The following C17orf99 variants were observed in gnomAD, a reference collection of about 807,000 sequenced individuals.
C17orf99 encodes the protein protein IL-40.
C17orf99 carries 18 observed loss-of-function variants against 22.6 expected under a neutral mutation model. The ratio of observed to expected loss-of-function variants is 0.80; its 90% CI spans 0.55 to 1.18. C17orf99 has a LOEUF of 1.18. Ranked by LOEUF, C17orf99 falls within the 50% of genes most tolerant of loss-of-function variation. The probability of loss-of-function intolerance (pLI) is 0.00; values close to 1 mark genes in which losing one functional copy is unlikely to be tolerated. For missense variants in C17orf99, 328 were observed against 342.7 expected, an observed-to-expected ratio of 0.96 and a Z score of 0.34; for synonymous variants, 147 against 136.6, an observed-to-expected ratio of 1.08 and a Z score of -0.53.
In C17orf99 at chr17:78,147,877, C is replaced by T. The variant is rs557071692; in HGVS notation, c.70+966C>T. ...CCTGTGCAGGGCAGTTCCGCCTCCCCCTCTTGGCTGGCTCCCGACTTCTCT... is the reference window on the plus strand; with the variant it reads ...CCTGTGCAGGGCAGTTCCGCCTCCCTCTCTTGGCTGGCTCCCGACTTCTCT... On this transcript the variant is annotated intron_variant, in intron 2 of 4. Transcript: ENST00000340363. Among the ~76,000 whole-genome samples the T allele has an allele frequency of 1.8e-3, 274 of 152,322 alleles. 1 individual carries two copies. Among genetic ancestry groups the T allele is most frequent in the Non-Finnish European group, 2.4e-3 (166 of 68,030 alleles).
At chr17:78,151,689 G>T (rs1277687343) in intron 2 of C17orf99, among the ~76,000 whole-genome samples, 1 of 152,064 alleles carries the variant, frequency 6.6e-6, no homozygotes, top group Non-Finnish European at 1.5e-5. Context: ...AATCCAGCAT[G>T]AATTACTGGA....
At chr17:78,146,268 G>A (rs2075436637), upstream of C17orf99, 1 of 677,830 alleles carries the variant, frequency 1.5e-6, no homozygotes, top group Admixed American at 2.9e-5. This position sits in a 1 kb window ranked among gnomAD's most constrained non-coding sequence, Gnocchi z 5.2. Flanking sequence ...GGTAGCTGAG[G>A]CCCTGGGGTG....
intron 2 of C17orf99, among the ~76,000 whole-genome samples, chr17:78,150,437 C>A (rs2075472660): frequency 3.3e-5 from 5 of 152,116 alleles, no homozygotes; most frequent in Admixed American, 1.3e-4. Context: ...AGCCACTGTG[C>A]CAGTGTGTTT....
rs1423668865 is a variant in C17orf99, at chr17:78,164,117, C to T, written c.393C>T (p.Ala131=). 1.3e-6 allele frequency: 2 copies of T among 1,551,724 alleles called. No individual in the cohort carries two copies. Among genetic ancestry groups the T allele is most frequent in the East Asian group, 2.4e-5 (1 of 40,920 alleles). Residue 131 remains alanine, a synonymous_variant, in exon 4 of 5, where the codon GCC becomes GCT. Coordinates refer to ENST00000340363, the MANE Select transcript of C17orf99 (RefSeq NM_001163075.2). ...LWSKPVSELR[A]NFTLQDRGAG... ...CAGAGCCAGTGTCTGAGCTGCGGGCCAACTTCACTCTGCAGGACAGAGGGG... is the reference window on the plus strand; with the variant it reads ...CAGAGCCAGTGTCTGAGCTGCGGGCTAACTTCACTCTGCAGGACAGAGGGG...
upstream of C17orf99, among the ~76,000 whole-genome samples, chr17:78,145,792 C>CTTT (rs5822229): frequency 6.2e-5 from 8 of 128,868 alleles, no homozygotes; most frequent in African/African-American, 1.2e-4. Flanking sequence ...GCGTGGACAT[C>CTTT]TTTTTTTTTT....
chr17:78,151,193 G>T (rs2075479625), intron 2 of C17orf99, among the ~76,000 whole-genome samples: 1 of 151,726 alleles, frequency 6.6e-6, no homozygotes, highest in African/African-American at 2.4e-5. Context: ...GGGAGGCCGA[G>T]GTGGGCGGAT....
intron 2 of C17orf99, chr17:78,157,978 C>A: frequency 7.9e-7 from 1 of 1,262,474 alleles, no homozygotes; most frequent in Non-Finnish European, 1.1e-6. Context: ...CAACTCATAA[C>A]ATGGATGTCC....
At chr17:78,160,098 A>G (rs1161176897) in intron 2 of C17orf99, 1 of 456,172 alleles carries the variant, frequency 2.2e-6, no homozygotes, top group East Asian at 6.9e-5. Flanking sequence ...GGAATTGTTG[A>G]GTCATATGGT....
intron 2 of C17orf99, 80 bp from the exon 3 acceptor site, chr17:78,160,875 C>G: frequency 8.1e-7 from 1 of 1,230,230 alleles, no homozygotes; most frequent in Non-Finnish European, 1.1e-6. Flanking sequence ...TGCCACCGAG[C>G]CTGGCCAAAC....
chr17:78,164,838 T>TGTGTGCC, intron 4 of C17orf99: 26 of 1,203,002 alleles, frequency 2.2e-5, no homozygotes, highest in Non-Finnish European at 2.7e-5. Flanking sequence ...GAGGACCTAC[T>TGTGTGCC]GTGTGCCATG....
intron 2 of C17orf99, among the ~76,000 whole-genome samples, chr17:78,154,523 G>C (rs1340049021): frequency 6.6e-6 from 1 of 151,450 alleles, no homozygotes; most frequent in Non-Finnish European, 1.5e-5. Context: ...CCTGAGGCCT[G>C]GGTGACAGGG....
chr17:78,161,173 A>T lies in C17orf99; in HGVS notation c.289A>T (p.Thr97Ser), dbSNP rs969234838. 3.9e-6 allele frequency: 6 copies of T among 1,551,650 alleles called. No individual in the cohort carries two copies. The highest frequency in any genetic ancestry group is 1.7e-4 in the Middle Eastern group (1 of 6,014). ...ACTCAAGTCCAGTCCAGACCTGCTC[A>T]CCTACTTCTGCTGGGCGTCCTCCAC... is the stretch of plus-strand genomic sequence containing the variant. ...VTLKSSPDLL[T>S]YFCWASSTSG... The change falls in exon 3 of 5, where the codon ACC (threonine) becomes TCC (serine). Residue 97 changes from threonine to serine, a missense_variant. Transcript: ENST00000340363.
intron 2 of C17orf99, chr17:78,157,329 A>AGCGGCGGCG: frequency 3.4e-6 from 2 of 594,920 alleles, no homozygotes; most frequent in Non-Finnish European, 2.7e-6. Context: ...TGTGTTCAGC[A>AGCGGCGGCG]GCGGCGGCGG....
At chr17:78,152,514 T>C (rs905776042) in intron 2 of C17orf99, among the ~76,000 whole-genome samples, 1 of 152,008 alleles carries the variant, frequency 6.6e-6, no homozygotes, top group Non-Finnish European at 1.5e-5. Context: ...TTTGTATTTT[T>C]AGTAGAGATG....
At chr17:78,160,468 G>A (rs1031405021) in intron 2 of C17orf99, among the ~76,000 whole-genome samples, 3 of 151,184 alleles carry the variant, frequency 2.0e-5, no homozygotes, top group African/African-American at 4.9e-5. Context: ...CTCAGGAGGC[G>A]AAGGTTGTGG....
intron 2 of C17orf99, among the ~76,000 whole-genome samples, chr17:78,152,037 C>T (rs904264039): frequency 6.6e-6 from 1 of 152,158 alleles, no homozygotes; most frequent in East Asian, 1.9e-4. Flanking sequence ...AGTTTCCCTG[C>T]AGTGACCCCG....
chr17:78,149,341 A>G (rs1440871962), intron 2 of C17orf99, among the ~76,000 whole-genome samples: 2 of 133,254 alleles, frequency 1.5e-5, no homozygotes, highest in Non-Finnish European at 3.2e-5. Flanking sequence ...CAAAAAAAAA[A>G]AAAAAAAAAA....
Position 78,166,027 on chromosome 17 carries a change from G to A in C17orf99, c.779G>A (p.Arg260His), listed in dbSNP as rs555132847. 1.5e-5 allele frequency: 21 copies of A among 1,393,812 alleles called. No individual in the cohort carries two copies. The highest frequency in any genetic ancestry group is 2.5e-4 in the Middle Eastern group (1 of 4,070). 86.3% of individuals were successfully genotyped at this position (1,393,812 alleles called of 1,614,324 possible). A position where few individuals can be genotyped will look rare whatever the true frequency, so the allele number is the denominator to read the frequency against. Residue 260 changes from arginine to histidine, a missense_variant, in exon 5 of 5, where the codon CGC becomes CAC. Physicochemically the swap from Arg to His is conservative, Grantham distance 29. Transcript: ENST00000340363. ...ATAGGGAATGGGGAGGTCAGAGGAC[G>A]CAAAGCAGCAGCCATGTAGAATGAA... Reference protein sequence around the residue: ...FRIGNGEVRGRKAAAM With the variant: ...FRIGNGEVRGHKAAAM
At chr17:78,151,245 G>T (rs1002297803) in intron 2 of C17orf99, among the ~76,000 whole-genome samples, 7 of 150,900 alleles carry the variant, frequency 4.6e-5, no homozygotes, top group African/African-American at 1.7e-4. Flanking sequence ...GCCAACATGC[G>T]GAAACCCTGT....
Sources: gnomAD v4.1 joint callset for allele counts (sites outside exome capture counted in the v4.1 genomes callset) on GRCh38, gnomAD v4.1.1 for gene constraint, Gnocchi (gnomAD v3.1) non-coding constraint, MANE v1.5 for transcripts, NCBI Gene and HGNC (gene_info 2026-07-23, HGNC 2026-07-21) for gene names.